The following PKD2 variants were observed in gnomAD, a reference collection of about 807,000 sequenced individuals.
PKD2 encodes the protein polycystin-2.
In PKD2, 48 loss-of-function variants were observed where a neutral mutation model predicts 105.9. That is an observed-to-expected ratio of 0.45 (90% confidence interval 0.36 to 0.58). The LOEUF is 0.58. Among genes scored for constraint, PKD2 ranks in the 20% least tolerant of loss-of-function variants. PKD2 has a pLI of 0.00. For missense variants in PKD2, 1,078 were observed against 1,255.3 expected (o/e 0.86, Z 2.13); for synonymous variants, 464 against 481.1 (o/e 0.96, Z 0.46).
intron 1 of PKD2, among the ~76,000 whole-genome samples, chr4:88,015,400 TA>T (rs1230813982): frequency 6.6e-6 from 1 of 152,232 alleles, no homozygotes; most frequent in Non-Finnish European, 1.5e-5. Flanking sequence ...TGATATTTTC[TA>T]AAATAAAAAG....
rs1391634928 is a variant in PKD2 at position 88,043,376 on chromosome 4, T to G, written c.1238T>G (p.Val413Gly). 11 of 1,614,072 alleles carry G rather than the reference T, an allele frequency of 6.8e-6. No individual in the cohort carries two copies. The highest frequency in any genetic ancestry group is 1.7e-5 in the Admixed American group (1 of 60,000). Residue 413 changes from valine (V) to glycine (G), a missense_variant, in exon 5 of 15, where the codon GTC becomes GGC. This residue lies in a region of PKD2 where 868 missense variants were observed against 1,067.3 expected (regional missense o/e 0.81). Transcript: ENST00000237596. ...AAQVASLKKN[V>G]WLDRGTRATF... ...CAAGTTGCTAGCCTCAAGAAAAATGTCTGGCTGGACCGAGGAACCAGGGCA... is the reference window on the plus strand; with the variant it reads ...CAAGTTGCTAGCCTCAAGAAAAATGGCTGGCTGGACCGAGGAACCAGGGCA...
intron 13 of PKD2, among the ~76,000 whole-genome samples, chr4:88,069,410 A>G (rs889268104): frequency 1.3e-5 from 2 of 151,838 alleles, no homozygotes; most frequent in Non-Finnish European, 2.9e-5. Context: ...CAAGTATAAC[A>G]TTTAAATTTT....
intron 6 of PKD2, among the ~76,000 whole-genome samples, chr4:88,050,798 T>G (rs995082100): frequency 6.6e-6 from 1 of 151,694 alleles, no homozygotes; most frequent in Non-Finnish European, 1.5e-5. Context: ...AATACAAGAT[T>G]GGCTCTGGAA....
At chr4:88,017,931 A>C (rs1015514142) in intron 1 of PKD2, among the ~76,000 whole-genome samples, 1 of 152,218 alleles carries the variant, frequency 6.6e-6, no homozygotes. Flanking sequence ...TGGCCTCCAA[A>C]ATAAATTTAC....
chr4:88,039,400 C>T (rs1053570281), intron 4 of PKD2, among the ~76,000 whole-genome samples: 1 of 152,168 alleles, frequency 6.6e-6, no homozygotes, highest in Non-Finnish European at 1.5e-5. Context: ...CACAGTTTCT[C>T]ATGCCTGTAA....
chr4:88,012,168 G>A (rs1366405440), intron 1 of PKD2, among the ~76,000 whole-genome samples: 5 of 152,168 alleles, frequency 3.3e-5, no homozygotes, highest in Non-Finnish European at 7.3e-5. Flanking sequence ...AGTGTGCCAG[G>A]CACTGTGTTA....
chr4:88,072,276 C>T (rs1721065830), intron 13 of PKD2, among the ~76,000 whole-genome samples: 1 of 152,006 alleles, frequency 6.6e-6, no homozygotes, highest in South Asian at 2.1e-4. Flanking sequence ...CACCACCACG[C>T]CTGGCCCCTG....
intron 6 of PKD2, among the ~76,000 whole-genome samples, chr4:88,049,639 C>T (rs1347651236): frequency 6.6e-6 from 1 of 152,140 alleles, no homozygotes; most frequent in East Asian, 1.9e-4. Context: ...ACAAAACACA[C>T]CCTGTGCTCC....
chr4:88,032,399 C>G (rs955425512), intron 2 of PKD2, among the ~76,000 whole-genome samples: 1 of 152,190 alleles, frequency 6.6e-6, no homozygotes, highest in African/African-American at 2.4e-5. Context: ...CACGATGGCT[C>G]ACACCTGTAA....
At chr4:88,018,641 C>T (rs1726642315) in intron 1 of PKD2, among the ~76,000 whole-genome samples, 1 of 152,236 alleles carries the variant, frequency 6.6e-6, no homozygotes, top group South Asian at 2.1e-4. Flanking sequence ...ATGTCTGCTG[C>T]TGGCTGAGTC....
chr4:88,008,089 G>T lies in PKD2; in HGVS notation c.356G>T (p.Arg119Leu), dbSNP rs748654180. 1.3e-5 allele frequency: 20 copies of T among 1,517,964 alleles called. No individual in the cohort carries two copies. In the South Asian group the frequency reaches 2.2e-4, roughly 17 times the overall value. The allele number at this position is 1,517,964 out of a possible 1,614,324, so 94.0% of individuals were successfully genotyped here. A position where few individuals can be genotyped will look rare whatever the true frequency, so the allele number is the denominator to read the frequency against. Residue 119 changes from arginine (R) to leucine (L), a missense_variant, in exon 1 of 15, where the codon CGC (arginine) becomes CTC (leucine). Around this residue, in one of 2 missense-constraint regions of PKD2, gnomAD observed 210 missense variants for 187.9 expected, o/e 1.12. Transcript: ENST00000237596. ...GMVVEMDVEW[R>L]PGSRRSAASS... ...GTGGTGGAGATGGACGTAGAGTGGCGCCCGGGCAGCCGGAGGTCGGCCGCC... is the reference window on the plus strand; with the variant it reads ...GTGGTGGAGATGGACGTAGAGTGGCTCCCGGGCAGCCGGAGGTCGGCCGCC...
intron 1 of PKD2, among the ~76,000 whole-genome samples, chr4:88,010,094 A>ATT (rs34009054): frequency 7.0e-6 from 1 of 143,330 alleles, no homozygotes. Context: ...GGAATCGGGA[A>ATT]TTTTTTTTTT....
At chr4:88,041,408 C>T (rs144556683) in intron 4 of PKD2, among the ~76,000 whole-genome samples, 2 of 152,272 alleles carry the variant, frequency 1.3e-5, no homozygotes, top group East Asian at 3.9e-4. Flanking sequence ...CAGTGATTCA[C>T]TAGAAGGACT....
At position 88,056,188 on chromosome 4, in the gene PKD2, A is replaced by G. The variant is rs1416235956; in HGVS notation, c.1819A>G (p.Ile607Val). The G allele has an allele frequency of 6.2e-7, 1 of 1,613,558 alleles. No individual in the cohort carries two copies. Reference sequence around the variant, plus strand: ...TGGCTTTGCTATTATGTTCTTCATTATTTTCCTAGCGTATGCTCAGTTGGC... The same window carrying G: ...TGGCTTTGCTATTATGTTCTTCATTGTTTTCCTAGCGTATGCTCAGTTGGC... Reference protein sequence around the residue: ...LFGFAIMFFIIFLAYAQLAYL... With the variant: ...LFGFAIMFFIVFLAYAQLAYL... Residue 607 changes from isoleucine to valine, a missense_variant, in exon 8 of 15, where the codon ATT (isoleucine) becomes GTT (valine). By Grantham distance (29) the Ile-to-Val change is conservative. Around this residue, in one of 2 missense-constraint regions of PKD2, gnomAD observed 868 missense variants for 1,067.3 expected, o/e 0.81. Coordinates refer to ENST00000237596, the MANE Select transcript of PKD2 (RefSeq NM_000297.4).
chr4:88,064,236 A>G (rs1055342372), intron 10 of PKD2, among the ~76,000 whole-genome samples: 3 of 152,244 alleles, frequency 2.0e-5, no homozygotes, highest in African/African-American at 7.2e-5. Context: ...ATAGAAAAGA[A>G]GTTCACTCCA....
chr4:88,028,484 T>C (rs1297928623), intron 2 of PKD2, among the ~76,000 whole-genome samples: 1 of 152,240 alleles, frequency 6.6e-6, no homozygotes, highest in African/African-American at 2.4e-5. Context: ...ACTGGAGGGC[T>C]CCTCGCCCTT....
intron 13 of PKD2, among the ~76,000 whole-genome samples, chr4:88,071,713 T>C (rs1721039550): frequency 6.6e-6 from 1 of 152,178 alleles, no homozygotes; most frequent in Admixed American, 6.5e-5. Context: ...AGTGTCTGCC[T>C]CTGACTTTAT....
rs1720330716 is a variant in PKD2, at chr4:88,056,382, TTAAG to T, written c.1898+120_1898+123del. 5.9e-5 allele frequency: 40 copies of T among 678,940 alleles called. No individual in the cohort carries two copies. In the South Asian group the frequency reaches 6.4e-4, roughly 11 times the overall value. 42.1% of individuals were successfully genotyped at this position (678,940 alleles called of 1,614,324 possible). On this transcript the variant is annotated intron_variant, in intron 8 of 14. Transcript: ENST00000237596. Reference sequence around the variant, plus strand: ...CACCAATTATTTAAAACCAGTTATTTTAAGTAAGAATTAATTACCTTTTCCCAAA... The same window carrying T: ...CACCAATTATTTAAAACCAGTTATTTTAAGAATTAATTACCTTTTCCCAAA...
Position 88,074,950 on chromosome 4 carries a change from G to A in PKD2, c.2661G>A (p.Gly887=), listed in dbSNP as rs1357696307. ...AGGTGCTGGGAAGGCTGTTGGATGG[G>A]GTGGCCGAGGTCAGTAGTCATGAGC... The part of the protein sequence containing the change: ...RREVLGRLLD[G]VAEDERLGRD... Residue 887 remains glycine, a synonymous_variant, in exon 14 of 15, where the codon GGG becomes GGA. Transcript: ENST00000237596. 4 of 1,614,156 alleles carry A rather than the reference G, an allele frequency of 2.5e-6. No individual in the cohort carries two copies. In the East Asian group the frequency reaches 8.9e-5, roughly 36 times the overall value.
Sources: allele counts gnomAD v4.1 joint callset (sites outside exome capture counted in the v4.1 genomes callset), GRCh38; gene constraint gnomAD v4.1.1; regional missense constraint gnomAD v4.1.1; transcripts MANE v1.5; gene names NCBI Gene and HGNC (gene_info 2026-07-23, HGNC 2026-07-21).